The following SLC4A4 variants were observed in gnomAD, a reference collection of about 807,000 sequenced individuals.
SLC4A4 encodes electrogenic sodium bicarbonate cotransporter 1.
SLC4A4 carries 27 observed loss-of-function variants against 111.5 expected under a neutral mutation model. That is an observed-to-expected ratio of 0.24 (90% CI 0.18 to 0.33). The LOEUF (loss-of-function observed/expected upper bound fraction) is 0.33, where lower values mean the gene tolerates loss of function less well. Among genes scored for constraint, SLC4A4 ranks in the 10% least tolerant of loss-of-function variants. The pLI, the probability that SLC4A4 is intolerant of heterozygous loss-of-function variation, is 1.00. For missense variants in SLC4A4, 909 were observed against 1,315.5 expected, an observed-to-expected ratio of 0.69 and a Z score of 4.78; for synonymous variants, 443 against 463.4, an observed-to-expected ratio of 0.96 and a Z score of 0.57.
intron 21 of SLC4A4, among the ~76,000 whole-genome samples, chr4:71,556,141 G>T (rs540636012): frequency 6.6e-6 from 1 of 151,926 alleles, no homozygotes; most frequent in Admixed American, 6.6e-5. Flanking sequence ...GATAGAACTG[G>T]GCAAGTGGCC....
chr4:71,315,450 A>G (rs1182703345), intron 3 of SLC4A4, among the ~76,000 whole-genome samples: 3 of 152,150 alleles, frequency 2.0e-5, no homozygotes, highest in African/African-American at 7.2e-5. Context: ...AAAGGATGCA[A>G]AAGAGTTGGT....
chr4:71,462,929 C>T (rs1031032281), intron 12 of SLC4A4, among the ~76,000 whole-genome samples: 9 of 152,058 alleles, frequency 5.9e-5, no homozygotes, highest in East Asian at 1.9e-4. Flanking sequence ...CTCCAGAGTC[C>T]GGTGCTCCAC....
intron 2 of SLC4A4, among the ~76,000 whole-genome samples, chr4:71,102,790 C>A (rs1390546144): frequency 6.6e-6 from 1 of 151,614 alleles, no homozygotes; most frequent in Non-Finnish European, 1.5e-5. Flanking sequence ...TGGAAAGGAA[C>A]AACCGGTACC....
At chr4:71,211,603 C>T (rs1438978335) in intron 1 of SLC4A4, among the ~76,000 whole-genome samples, 1 of 152,152 alleles carries the variant, frequency 6.6e-6, no homozygotes, top group Non-Finnish European at 1.5e-5. Context: ...AACAGCTCCC[C>T]AATGAATCTG....
At chr4:71,142,124 A>G (rs868336985) in intron 2 of SLC4A4, among the ~76,000 whole-genome samples, 1 of 152,232 alleles carries the variant, frequency 6.6e-6, no homozygotes, top group Admixed American at 6.5e-5. Flanking sequence ...CTTCTGATAC[A>G]AACTATAGGT....
chr4:71,197,449 G>C (rs1410654703), intron 1 of SLC4A4, among the ~76,000 whole-genome samples: 1 of 152,100 alleles, frequency 6.6e-6, no homozygotes, highest in Non-Finnish European at 1.5e-5. Context: ...CTTTGAGTTG[G>C]ATAAATTTTA....
intron 3 of SLC4A4, among the ~76,000 whole-genome samples, chr4:71,264,742 C>G (rs1363848715): frequency 6.6e-6 from 1 of 152,058 alleles, no homozygotes; most frequent in Non-Finnish European, 1.5e-5. Flanking sequence ...CAAACAACAA[C>G]AACCAAGCAG....
At chr4:71,448,846 T>C (rs1725500564) in intron 9 of SLC4A4, among the ~76,000 whole-genome samples, 1 of 152,212 alleles carries the variant, frequency 6.6e-6, no homozygotes, top group Non-Finnish European at 1.5e-5. Flanking sequence ...AGATGTTCCA[T>C]GTGGTGATTA....
chr4:71,130,875 T>G (rs980072305), intron 2 of SLC4A4, among the ~76,000 whole-genome samples: 1 of 152,142 alleles, frequency 6.6e-6, no homozygotes, highest in Non-Finnish European at 1.5e-5. Context: ...TCTTTGTAGT[T>G]GAGAGAGCTC....
At chr4:71,505,789 G>A (rs1380041505) in intron 16 of SLC4A4, among the ~76,000 whole-genome samples, 1 of 152,044 alleles carries the variant, frequency 6.6e-6, no homozygotes, top group Non-Finnish European at 1.5e-5. Flanking sequence ...GAACGGTATT[G>A]CCTAGATTTT....
At chr4:71,563,204 T>C (rs1737150160) in intron 23 of SLC4A4, among the ~76,000 whole-genome samples, 1 of 151,864 alleles carries the variant, frequency 6.6e-6, no homozygotes, top group Admixed American at 6.6e-5. Context: ...TATGTTTTGC[T>C]TACATTTTCA....
chr4:71,345,388 T>C (rs1257486132), intron 4 of SLC4A4, among the ~76,000 whole-genome samples: 2 of 152,132 alleles, frequency 1.3e-5, no homozygotes, highest in Non-Finnish European at 2.9e-5. Flanking sequence ...CAGTTTCTCT[T>C]CAGTGAATTT....
intron 1 of SLC4A4, among the ~76,000 whole-genome samples, chr4:71,076,303 G>A (rs751057857): frequency 3.0e-4 from 46 of 152,076 alleles, no homozygotes; most frequent in Non-Finnish European, 6.0e-4. Context: ...GGCTGAGCTG[G>A]GCGGATCAAC....
intron 7 of SLC4A4, among the ~76,000 whole-genome samples, chr4:71,418,781 T>A (rs1388038775): frequency 1.3e-5 from 2 of 152,138 alleles, no homozygotes; most frequent in Non-Finnish European, 2.9e-5. Context: ...AACAGAAAAA[T>A]TTAAAGGTAC....
At chr4:71,231,182 G>T (rs73828771) in intron 1 of SLC4A4, among the ~76,000 whole-genome samples, 3 of 152,184 alleles carry the variant, frequency 2.0e-5, no homozygotes, top group Admixed American at 6.5e-5. Flanking sequence ...GCACTGTGAC[G>T]GGGCAGGCTT....
At chr4:71,079,883 G>A (rs901991002) in intron 1 of SLC4A4, among the ~76,000 whole-genome samples, 5 of 150,986 alleles carry the variant, frequency 3.3e-5, no homozygotes, top group South Asian at 2.1e-4. Context: ...CTGTGAGTGC[G>A]GTTTAAGTGT....
At chr4:71,555,858 G>T (rs1736427135) in intron 21 of SLC4A4, among the ~76,000 whole-genome samples, 1 of 151,882 alleles carries the variant, frequency 6.6e-6, no homozygotes, top group South Asian at 2.1e-4. Context: ...AACATAGTGA[G>T]ACCCTGTCTC....
chr4:71,394,642 AC>A (rs1442749090), intron 6 of SLC4A4, among the ~76,000 whole-genome samples: 1 of 152,090 alleles, frequency 6.6e-6, no homozygotes, highest in Non-Finnish European at 1.5e-5. Context: ...CTATAGCAGC[AC>A]AATTCACAAT....
chr4:71,215,131 G>A (rs999071204), intron 1 of SLC4A4, among the ~76,000 whole-genome samples: 3 of 152,042 alleles, frequency 2.0e-5, no homozygotes, highest in East Asian at 1.9e-4. Flanking sequence ...CTATTACAAC[G>A]GTATCACAAA....
Sources: allele counts gnomAD v4.1 joint callset (sites outside exome capture counted in the v4.1 genomes callset), GRCh38; gene constraint gnomAD v4.1.1; transcripts MANE v1.5; gene names NCBI Gene and HGNC (gene_info 2026-07-23, HGNC 2026-07-21).